Variants in TTC39C observed in about 807,000 individuals in gnomAD.
The protein encoded by TTC39C is tetratricopeptide repeat domain 39C.
TTC39C carries 33 observed loss-of-function variants against 76.3 expected under a neutral mutation model. That is an observed-to-expected ratio of 0.43 (90% CI 0.33 to 0.58). The LOEUF is 0.58. Among genes scored for constraint, TTC39C ranks in the 20% least tolerant of loss-of-function variants. The probability of loss-of-function intolerance (pLI) is 0.04; values close to 1 mark genes in which losing one functional copy is unlikely to be tolerated. For synonymous variants in TTC39C, 254 were observed against 260.6 expected, an observed-to-expected ratio of 0.97 and a Z score of 0.24; for missense variants, 595 against 701.4, an observed-to-expected ratio of 0.85 and a Z score of 1.71.
intron 1 of TTC39C, among the ~76,000 whole-genome samples, chr18:24,039,379 G>A (rs2083766387): frequency 6.6e-6 from 1 of 152,206 alleles, no homozygotes; most frequent in Non-Finnish European, 1.5e-5. Context: ...AAAGAGAAGT[G>A]TATTCAAGGG....
At chr18:24,028,749 G>T (rs1268546487) in intron 1 of TTC39C, among the ~76,000 whole-genome samples, 4 of 152,212 alleles carry the variant, frequency 2.6e-5, no homozygotes, top group African/African-American at 9.6e-5. Flanking sequence ...TTGAGATGGA[G>T]TCTTGCTCTG....
At chr18:24,079,966 T>A (rs1254151399) in intron 4 of TTC39C, among the ~76,000 whole-genome samples, 1 of 151,192 alleles carries the variant, frequency 6.6e-6, no homozygotes, top group Non-Finnish European at 1.5e-5. Context: ...CACACCTGGC[T>A]AAATTTTGTA....
intron 4 of TTC39C, among the ~76,000 whole-genome samples, chr18:24,078,744 T>C (rs1281072359): frequency 1.9e-4 from 3 of 15,930 alleles, no homozygotes; most frequent in African/African-American, 4.2e-4. Context: ...TGTAGGCACA[T>C]AGACAAATTC....
intron 6 of TTC39C, among the ~76,000 whole-genome samples, chr18:24,108,318 G>GA (rs1243378919): frequency 2.0e-5 from 3 of 152,318 alleles, no homozygotes; most frequent in African/African-American, 7.2e-5. Flanking sequence ...GCTCACTTGG[G>GA]AAGCAGAATC....
Position 24,124,000 on chromosome 18 carries a change from A to G in TTC39C, c.1296+57A>G, listed in dbSNP as rs555423072. The stretch of plus-strand genomic sequence containing the variant: ...CTTATGATGGGCATTTGTAACCAAC[A>G]CTGCCTTGGCAAGCTTTAGGAAATT... On this transcript the variant is annotated intron_variant, in intron 9 of 13. Coordinates refer to ENST00000317571, the MANE Select transcript of TTC39C (RefSeq NM_001135993.2). 27 of 1,327,942 alleles carry G rather than the reference A, an allele frequency of 2.0e-5. No individual in the cohort carries two copies. The East Asian group carries it at 5.6e-4, about 28-fold the overall frequency. 82.3% of individuals were successfully genotyped at this position (1,327,942 alleles called of 1,614,324 possible). A position where few individuals can be genotyped will look rare whatever the true frequency, so the allele number is the denominator to read the frequency against.
At chr18:24,022,615 A>G in intron 1 of TTC39C, 1 of 985,410 alleles carries the variant, frequency 1.0e-6, no homozygotes, top group Non-Finnish European at 1.2e-6. Context: ...TAATATGCAG[A>G]TTGCACTCTG....
At chr18:23,997,674 GAAAGAAAGAAAGAAAGAAA>G (rs1568398794) in intron 1 of TTC39C, among the ~76,000 whole-genome samples, 10 of 146,090 alleles carry the variant, frequency 6.8e-5, no homozygotes, top group Non-Finnish European at 1.5e-4. Flanking sequence ...AAGAAAGAAA[GAAAGAAAGAAAGAAAGAAA>G]GAAAGAAAGA....
At chr18:24,015,499 C>T (rs1305913298) in intron 1 of TTC39C, among the ~76,000 whole-genome samples, 5 of 152,258 alleles carry the variant, frequency 3.3e-5, no homozygotes, top group African/African-American at 4.8e-5. Flanking sequence ...CCTCGCGCCT[C>T]GCATGGCTCT....
At chr18:24,092,145 A>T (rs375814181) in intron 6 of TTC39C, among the ~76,000 whole-genome samples, 1 of 143,826 alleles carries the variant, frequency 7.0e-6, no homozygotes, top group Middle Eastern at 3.3e-3. Context: ...TAGACAACGG[A>T]TCTGAAGAAA....
intron 3 of TTC39C, among the ~76,000 whole-genome samples, chr18:24,066,920 A>G (rs984019117): frequency 6.6e-6 from 1 of 152,212 alleles, no homozygotes; most frequent in Non-Finnish European, 1.5e-5. Flanking sequence ...ATGTTATTAC[A>G]AACGAGGAAA....
At chr18:24,054,959 C>T (rs896119448) in intron 1 of TTC39C, among the ~76,000 whole-genome samples, 4 of 152,186 alleles carry the variant, frequency 2.6e-5, no homozygotes, top group Admixed American at 6.5e-5. Context: ...ATGAATTTGA[C>T]TATGATAGGT....
intron 6 of TTC39C, among the ~76,000 whole-genome samples, chr18:24,106,821 A>G (rs1198430751): frequency 6.6e-6 from 1 of 152,198 alleles, no homozygotes; most frequent in Non-Finnish European, 1.5e-5. Flanking sequence ...AGAAGCTGTC[A>G]TTACAGGTGC....
chr18:24,020,292 G>A (rs189648261), intron 1 of TTC39C: 4 of 995,936 alleles, frequency 4.0e-6, no homozygotes, highest in Admixed American at 6.0e-5. Flanking sequence ...AGATTCATTT[G>A]GCTTGAGATT....
chr18:24,022,908 G>A (rs2083534486), intron 1 of TTC39C: 2 of 979,806 alleles, frequency 2.0e-6, no homozygotes, highest in Middle Eastern at 5.2e-4. Context: ...TGACTCCTCT[G>A]CACTCCTGCG....
intron 6 of TTC39C, among the ~76,000 whole-genome samples, chr18:24,092,092 CAAAAAAA>C (rs74171390): frequency 3.0e-5 from 2 of 67,590 alleles, no homozygotes; most frequent in African/African-American, 5.9e-5. Context: ...GACTCAGTCT[CAAAAAAA>C]AAAAAAAAAA....
intron 6 of TTC39C, among the ~76,000 whole-genome samples, chr18:24,099,005 A>ATGTGTGTGTG (rs71373362): frequency 0.087 from 11,370 of 130,208 alleles, 637 homozygotes; most frequent in African/African-American, 0.16. Flanking sequence ...AGTTAGAGGA[A>ATGTGTGTGTG]TGTGTGTGTG....
intron 6 of TTC39C, among the ~76,000 whole-genome samples, chr18:24,090,230 T>TA (rs1407070293): frequency 1.3e-5 from 2 of 152,224 alleles, no homozygotes; most frequent in African/African-American, 2.4e-5. Context: ...AGTATATATA[T>TA]TTTTAGCTCC....
intron 6 of TTC39C, among the ~76,000 whole-genome samples, chr18:24,110,827 G>A (rs1275179664): frequency 6.6e-6 from 1 of 152,208 alleles, no homozygotes; most frequent in Non-Finnish European, 1.5e-5. Flanking sequence ...AGCAGATAAA[G>A]CTAGCCAATA....
chr18:24,085,355 G>C (rs375648215), intron 6 of TTC39C, among the ~76,000 whole-genome samples: 35 of 152,320 alleles, frequency 2.3e-4, no homozygotes, highest in African/African-American at 8.4e-4. Context: ...AAACAGAAAT[G>C]TGAAAATCAG....
Sources: gnomAD v4.1 joint callset for allele counts (sites outside exome capture counted in the v4.1 genomes callset) on GRCh38, gnomAD v4.1.1 for gene constraint, MANE v1.5 for transcripts, NCBI Gene and HGNC (gene_info 2026-07-23, HGNC 2026-07-21) for gene names.